Variants in FAT3 observed in about 807,000 individuals in gnomAD.
The protein encoded by FAT3 is protocadherin Fat 3.
FAT3 carries 95 observed loss-of-function variants against 310.2 expected under a neutral mutation model. The observed-to-expected ratio is 0.31, with a 90% CI of 0.26 to 0.36. The LOEUF is 0.36. Among genes scored for constraint, FAT3 ranks in the 10% least tolerant of loss-of-function variants. The pLI, the probability that FAT3 is intolerant of heterozygous loss-of-function variation, is 1.00. For synonymous variants in FAT3, 2,314 were observed against 2,192.9 expected (o/e 1.06, Z -1.54); for missense variants, 5,408 against 5,715.6 (o/e 0.95, Z 1.74).
intron 2 of FAT3, among the ~76,000 whole-genome samples, chr11:92,412,402 A>ATTATTTTTTT (rs1555038320): frequency 2.0e-5 from 2 of 101,126 alleles, no homozygotes; most frequent in South Asian, 8.2e-4. Context: ...GACCCGGCCT[A>ATTATTTTTTT]TTTTTTTTTT....
chr11:92,383,216 A>G (rs1039546229), intron 2 of FAT3, among the ~76,000 whole-genome samples: 3 of 152,038 alleles, frequency 2.0e-5, no homozygotes, highest in African/African-American at 7.2e-5. Context: ...TATGTACCAC[A>G]TTTTCTTTAT....
chr11:92,402,600 A>T (rs1950042161), intron 2 of FAT3, among the ~76,000 whole-genome samples: 1 of 151,108 alleles, frequency 6.6e-6, no homozygotes, highest in Admixed American at 6.6e-5. Context: ...GGACATGATG[A>T]TGCGTGCCTG....
intron 3 of FAT3, among the ~76,000 whole-genome samples, chr11:92,531,043 G>A (rs1298791795): frequency 6.6e-6 from 1 of 152,136 alleles, no homozygotes; most frequent in Non-Finnish European, 1.5e-5. Context: ...AAATTCTCCT[G>A]AATGGGTAGA....
At chr11:92,777,594 A>T (rs1946630058) in intron 7 of FAT3, among the ~76,000 whole-genome samples, 1 of 152,182 alleles carries the variant, frequency 6.6e-6, no homozygotes. Context: ...TTTATTTTGT[A>T]AGGGATATTA....
At chr11:92,390,986 G>C (rs950758905) in intron 2 of FAT3, among the ~76,000 whole-genome samples, 5 of 152,178 alleles carry the variant, frequency 3.3e-5, no homozygotes, top group Non-Finnish European at 5.9e-5. Flanking sequence ...AGCCATCAAA[G>C]CTGTCTTTTG....
At chr11:92,412,583 A>C (rs1248241701) in intron 2 of FAT3, among the ~76,000 whole-genome samples, 1 of 146,982 alleles carries the variant, frequency 6.8e-6, no homozygotes, top group African/African-American at 2.5e-5. Context: ...TGATTCCCAC[A>C]TAGATACATT....
intron 1 of FAT3, among the ~76,000 whole-genome samples, chr11:92,229,484 TTTTTCGTG>T (rs1189791697): frequency 7.2e-6 from 1 of 139,784 alleles, no homozygotes; most frequent in Non-Finnish European, 1.5e-5. Flanking sequence ...CTTTTTTTGT[TTTTTCGTG>T]TTTTTTTTTT....
chr11:92,687,257 C>T (rs990526600), intron 3 of FAT3, among the ~76,000 whole-genome samples: 4 of 152,292 alleles, frequency 2.6e-5, no homozygotes, highest in African/African-American at 9.6e-5. Flanking sequence ...CTAGTATTGT[C>T]CCCATTTCAG....
intron 3 of FAT3, among the ~76,000 whole-genome samples, chr11:92,558,262 T>G (rs1159158409): frequency 1.3e-5 from 2 of 152,012 alleles, no homozygotes; most frequent in Non-Finnish European, 2.9e-5. Flanking sequence ...ATAGAAAATG[T>G]TTATTTAGGT....
intron 3 of FAT3, among the ~76,000 whole-genome samples, chr11:92,629,596 A>G (rs1941475989): frequency 6.6e-6 from 1 of 151,648 alleles, no homozygotes; most frequent in Admixed American, 6.6e-5. Context: ...TTCTTTGTAG[A>G]GATTGATTCT....
intron 4 of FAT3, among the ~76,000 whole-genome samples, chr11:92,712,554 A>G (rs1387546254): frequency 1.3e-5 from 2 of 151,738 alleles, no homozygotes; most frequent in African/African-American, 4.8e-5. Flanking sequence ...CTGACTTTGT[A>G]CTTATTAGAC....
chr11:92,549,329 C>A (rs889783954), intron 3 of FAT3, among the ~76,000 whole-genome samples: 2 of 152,112 alleles, frequency 1.3e-5, no homozygotes, highest in Non-Finnish European at 2.9e-5. Context: ...GCCAAGGTTC[C>A]CATTCAAACT....
chr11:92,341,281 G>T (rs918162903), intron 1 of FAT3, among the ~76,000 whole-genome samples: 2 of 152,190 alleles, frequency 1.3e-5, no homozygotes, highest in African/African-American at 4.8e-5. Context: ...GCAGCCTCGG[G>T]CTCTTTAGTG....
At position 92,844,746 on chromosome 11, in the gene FAT3, T is replaced by C; in HGVS notation, c.11365+14T>C. ...GCACCTGCAATGGTGAGTGCAGTTTTGAGTGTTCCCTCTCAACTCCTGAGA... is the reference window on the plus strand; with the variant it reads ...GCACCTGCAATGGTGAGTGCAGTTTCGAGTGTTCCCTCTCAACTCCTGAGA... On this transcript the variant is annotated intron_variant, in intron 19 of 27. Coordinates refer to ENST00000525166, the MANE Select transcript of FAT3 (RefSeq NM_001367949.2). 2.0e-6 allele frequency: 3 copies of C among 1,494,470 alleles called. No homozygotes were observed. Among genetic ancestry groups the C allele is most frequent in the Non-Finnish European group, 1.8e-6 (2 of 1,113,196 alleles). The allele number at this position is 1,494,470 out of a possible 1,614,324, so 92.6% of individuals were successfully genotyped here.
intron 3 of FAT3, among the ~76,000 whole-genome samples, chr11:92,687,652 A>T (rs1565513821): frequency 6.6e-6 from 1 of 152,096 alleles, no homozygotes; most frequent in Admixed American, 6.6e-5. Flanking sequence ...TTATTGTTGT[A>T]TCTTTTTATC....
At chr11:92,511,825 C>G (rs991719829) in intron 2 of FAT3, among the ~76,000 whole-genome samples, 2 of 152,108 alleles carry the variant, frequency 1.3e-5, no homozygotes, top group Non-Finnish European at 2.9e-5. Context: ...CCAGACCAAT[C>G]CAACATCTGA....
At chr11:92,571,189 G>A (rs1255928007) in intron 3 of FAT3, among the ~76,000 whole-genome samples, 5 of 152,158 alleles carry the variant, frequency 3.3e-5, no homozygotes, top group African/African-American at 9.7e-5. Flanking sequence ...GAGGAAAGAG[G>A]TAAGGAATAG....
intron 3 of FAT3, among the ~76,000 whole-genome samples, chr11:92,544,069 A>G (rs1309578558): frequency 6.6e-6 from 1 of 152,190 alleles, no homozygotes; most frequent in Non-Finnish European, 1.5e-5. Flanking sequence ...CGTACTAGGG[A>G]AGCTATTTTG....
rs752889575 is a variant in FAT3 at position 92,834,987 on chromosome 11, A to G, written c.9989A>G (p.Asn3330Ser). 1.4e-5 allele frequency: 23 copies of G among 1,613,564 alleles called. No individual in the cohort carries two copies. The highest frequency in any genetic ancestry group is 4.0e-5 in the African/African-American group (3 of 74,924). Residue 3330 changes from asparagine to serine, a missense_variant, in exon 15 of 28, where the codon AAC becomes AGC. By Grantham distance (46) the Asn-to-Ser change is conservative (BLOSUM62 1). This residue lies in a region of FAT3 where 4,588 missense variants were observed against 4,809.8 expected (regional missense o/e 0.95). Transcript: ENST00000525166. Reference sequence around the variant, plus strand: ...AGCGCTGTGGCCACTGTCAACATCAACCTCACAGATGTTAATGACAACCCT... The same window carrying G: ...AGCGCTGTGGCCACTGTCAACATCAGCCTCACAGATGTTAATGACAACCCT... The part of the protein sequence containing the change: ...ALSAVATVNI[N>S]LTDVNDNPPK...
Sources: gnomAD v4.1 joint callset for allele counts (sites outside exome capture counted in the v4.1 genomes callset) on GRCh38, gnomAD v4.1.1 for gene constraint, gnomAD v4.1.1 regional missense constraint, MANE v1.5 for transcripts, NCBI Gene and HGNC (gene_info 2026-07-23, HGNC 2026-07-21) for gene names.